The following GALM variants were observed in gnomAD, a reference collection of about 807,000 sequenced individuals.
GALM encodes aldose 1-epimerase.
A neutral mutation model predicts 37.4 loss-of-function variants in GALM; 43 were observed. The ratio of observed to expected loss-of-function variants is 1.15; its 90% CI spans 0.90 to 1.48. GALM has a LOEUF of 1.48. Ranked by LOEUF, GALM falls within the 40% of genes most tolerant of loss-of-function variation. The pLI, the probability that GALM is intolerant of heterozygous loss-of-function variation, is 0.00. For missense variants in GALM, 456 were observed against 419.1 expected (o/e 1.09, Z -0.77); for synonymous variants, 199 against 170.6 (o/e 1.17, Z -1.30).
chr2:38,685,079 A>G (rs1023592357), intron 3 of GALM, among the ~76,000 whole-genome samples: 6 of 152,112 alleles, frequency 3.9e-5, no homozygotes, highest in Non-Finnish European at 7.3e-5. Context: ...TCCATTTTTC[A>G]TATCTCTAAT....
chr2:38,702,932 T>TATATATATATATATATATA (rs1553382842), intron 4 of GALM, among the ~76,000 whole-genome samples: 3 of 134,888 alleles, frequency 2.2e-5, no homozygotes, highest in African/African-American at 8.4e-5. Context: ...TATATACTTT[T>TATATATATATATATATATA]TATATATATA....
At chr2:38,730,786 T>C (rs1666591617) in intron 5 of GALM, among the ~76,000 whole-genome samples, 1 of 151,322 alleles carries the variant, frequency 6.6e-6, no homozygotes, top group African/African-American at 2.4e-5. Flanking sequence ...CCAGGCATGG[T>C]GGTGGGCACC....
At chr2:38,694,911 A>AG in intron 4 of GALM, among the ~76,000 whole-genome samples, 1 of 150,426 alleles carries the variant, frequency 6.6e-6, no homozygotes, top group Non-Finnish European at 1.5e-5. Flanking sequence ...AAAAAAAAAA[A>AG]ACAAAAAAAG....
intron 1 of GALM, among the ~76,000 whole-genome samples, chr2:38,670,501 G>A (rs533682049): frequency 9.2e-5 from 14 of 152,304 alleles, no homozygotes; most frequent in African/African-American, 2.9e-4. Context: ...AAAATTCCTG[G>A]TTTAAAGTTC....
chr2:38,728,402 A>T (rs907395247), intron 4 of GALM, among the ~76,000 whole-genome samples: 1 of 151,384 alleles, frequency 6.6e-6, no homozygotes, highest in Non-Finnish European at 1.5e-5. Flanking sequence ...CAAAAAAAAA[A>T]AACTTTTTTT....
At chr2:38,678,043 T>A (rs1665303165) in intron 2 of GALM, among the ~76,000 whole-genome samples, 1 of 143,490 alleles carries the variant, frequency 7.0e-6, no homozygotes, top group Admixed American at 7.1e-5. Flanking sequence ...TGAGGCAGAG[T>A]TTTGCTTTCA....
intron 4 of GALM, among the ~76,000 whole-genome samples, chr2:38,708,754 G>A (rs1666094653): frequency 6.7e-6 from 1 of 148,944 alleles, no homozygotes. Context: ...AAAAAAGAAA[G>A]TGCTGTCAAC....
chr2:38,721,027 A>G (rs1214327578), intron 4 of GALM, among the ~76,000 whole-genome samples: 1 of 152,248 alleles, frequency 6.6e-6, no homozygotes, highest in African/African-American at 2.4e-5. Context: ...TCAACATCAC[A>G]TTGTAAGGAG....
intron 2 of GALM, among the ~76,000 whole-genome samples, chr2:38,677,540 C>G (rs1572512940): frequency 6.6e-6 from 1 of 152,150 alleles, no homozygotes; most frequent in South Asian, 2.1e-4. Flanking sequence ...GAGCAAACCC[C>G]AACCAGAGAA....
chr2:38,672,234 G>A (rs1484066221), intron 1 of GALM, among the ~76,000 whole-genome samples: 1 of 152,192 alleles, frequency 6.6e-6, no homozygotes, highest in Non-Finnish European at 1.5e-5. Context: ...CGGGAGCTCA[G>A]TGTTCACTTG....
At chr2:38,721,507 A>G (rs1666375355) in intron 4 of GALM, among the ~76,000 whole-genome samples, 1 of 151,990 alleles carries the variant, frequency 6.6e-6, no homozygotes, top group South Asian at 2.1e-4. Flanking sequence ...TGTTGGTGAT[A>G]CCCTGACCAC....
intron 3 of GALM, among the ~76,000 whole-genome samples, chr2:38,688,907 A>G (rs1665606748): frequency 6.6e-6 from 1 of 151,864 alleles, no homozygotes; most frequent in African/African-American, 2.4e-5. Context: ...CGCAACCTCC[A>G]CCTCCCGGGT....
chr2:38,666,550 T>C (rs953868905), intron 1 of GALM, among the ~76,000 whole-genome samples, 199 bp downstream of exon 1: 1 of 152,210 alleles, frequency 6.6e-6, no homozygotes, highest in Non-Finnish European at 1.5e-5. Context: ...AAATAAACTA[T>C]GGCAGTTGGC....
intron 3 of GALM, among the ~76,000 whole-genome samples, chr2:38,689,405 G>C (rs1239318170): frequency 6.6e-6 from 1 of 152,190 alleles, no homozygotes; most frequent in African/African-American, 2.4e-5. Context: ...GCACCCCCAG[G>C]AGTGAGCCTG....
chr2:38,669,126 T>A (rs2148422416), intron 1 of GALM: 1 of 152,308 alleles, frequency 6.6e-6, no homozygotes, highest in East Asian at 1.9e-4. Context: ...CCACCCCTCA[T>A]ATTGCCTTAT....
chr2:38,683,469 T>C (rs1331668795), intron 3 of GALM, among the ~76,000 whole-genome samples: 8 of 152,210 alleles, frequency 5.3e-5, no homozygotes, highest in Non-Finnish European at 1.2e-4. Flanking sequence ...GCATTCCTAA[T>C]CTGAAAACTC....
chr2:38,703,066 ATATATATATATATATATATATATATATTT>A lies in GALM; in HGVS notation c.634+13174_634+13202del, dbSNP rs1665953575. On this transcript the variant is annotated intron_variant, in intron 4 of 6. Coordinates refer to ENST00000272252, the MANE Select transcript of GALM (RefSeq NM_138801.3). ...GATATGTGGGATTTTATATATATAT[ATATATATATATATATATATATATATATTT>A]TTTTTTTTTTTTTTTTTTTTTTTTT... Among the ~76,000 whole-genome samples, 3 of 2,954 alleles carry A rather than the reference ATATATATATATATATATATATATATATTT, an allele frequency of 1.0e-3. No homozygotes were observed. In the South Asian group the frequency reaches 0.031, roughly 31 times the overall value. 1.9% of individuals were successfully genotyped at this position (2,954 alleles called of 152,430 possible).
chr2:38,686,254 T>TCTTTCTCTCTTTCTC (rs1665522927), intron 3 of GALM, among the ~76,000 whole-genome samples: 1 of 132,664 alleles, frequency 7.5e-6, no homozygotes, highest in Non-Finnish European at 1.5e-5. Flanking sequence ...CTTTCTTTCT[T>TCTTTCTCTCTTTCTC]TCTTTCTTTC....
chr2:38,679,942 G>A (rs1000133924), intron 2 of GALM: 3 of 422,214 alleles, frequency 7.1e-6, no homozygotes, highest in Non-Finnish European at 9.4e-6. Flanking sequence ...GAGCCTCTAG[G>A]ACAAAGTTGA....
Sources: gnomAD v4.1 joint callset for allele counts (sites outside exome capture counted in the v4.1 genomes callset) on GRCh38, gnomAD v4.1.1 for gene constraint, MANE v1.5 for transcripts, NCBI Gene and HGNC (gene_info 2026-07-23, HGNC 2026-07-21) for gene names.